Variants in MEX3A observed in about 807,000 individuals in gnomAD.
The protein encoded by MEX3A is RNA-binding protein MEX3A.
MEX3A carries 4 observed loss-of-function variants against 30.0 expected under a neutral mutation model. The ratio of observed to expected loss-of-function variants is 0.13; its 90% CI spans 0.07 to 0.30. MEX3A has a LOEUF of 0.30. MEX3A is among the 10% of genes least tolerant of loss of function. MEX3A has a pLI of 1.00. For missense variants in MEX3A, 555 were observed against 736.7 expected (o/e 0.75, Z 2.86); for synonymous variants, 335 against 327.6 (o/e 1.02, Z -0.24).
chr1:156,079,166 T>C (rs917797080), intron 1 of MEX3A, among the ~76,000 whole-genome samples: 4 of 152,124 alleles, frequency 2.6e-5, no homozygotes, highest in Non-Finnish European at 1.5e-5. Flanking sequence ...CGCTGGCAGA[T>C]TGGGGGGTGA....
In MEX3A at chr1:156,076,736, C is replaced by CA; in HGVS notation, c.1400_1401insT (p.Asp468GlyfsTer7). 6.2e-7 allele frequency: 1 copy of CA among 1,608,700 alleles called. No homozygotes were observed. Among genetic ancestry groups the CA allele is most frequent in the Non-Finnish European group, 8.5e-7 (1 of 1,177,654 alleles). On this transcript the variant is annotated frameshift_variant, in exon 2 of 2. Coordinates refer to ENST00000532414, the MANE Select transcript of MEX3A (RefSeq NM_001093725.2). LOFTEE classifies it high-confidence loss of function. This position sits in a 1 kb window ranked among gnomAD's most constrained non-coding sequence, Gnocchi z 6.0. ...CGCTCTCAAAGCAGACCATGCAATC[C>CA]CGCCCGCCGCCGGGGCTCCGCAGGC... is the stretch of plus-strand genomic sequence containing the variant.
rs376536886 is a variant in MEX3A at position 156,077,077 on chromosome 1, G to A, written c.1060C>T (p.Pro354Ser). The part of the protein sequence containing the change: ...ECGVDSGFEA[P>S]RLGEQGGDFG... Reference sequence around the variant, plus strand: ...TCCCCGCCCTGCTCACCCAGGCGTGGGGCCTCAAAGCCAGAGTCCACTCCG... The same window carrying A: ...TCCCCGCCCTGCTCACCCAGGCGTGAGGCCTCAAAGCCAGAGTCCACTCCG... The change falls in exon 2 of 2, where the codon CCA (proline) becomes TCA (serine). Residue 354 changes from proline (P) to serine (S), a missense_variant. Pro to Ser is a moderately conservative substitution (Grantham distance 74). Transcript: ENST00000532414. The surrounding 1 kb of genome is among the most constrained non-coding windows in gnomAD (Gnocchi z 8.3). 6.2e-7 allele frequency: 1 copy of A among 1,613,908 alleles called. No individual in the cohort carries two copies. The highest frequency in any genetic ancestry group is 8.5e-7 in the Non-Finnish European group (1 of 1,179,828).
In MEX3A at chr1:156,074,552, G is replaced by A. The variant is rs1007746088; in HGVS notation, c.*2022C>T. On this transcript the variant is annotated 3_prime_UTR_variant, in exon 2 of 2. Transcript: ENST00000532414. ...TTCTAGGTTTGGCTCAATTGGTAAG[G>A]GTGGGATTGAATTTGCTGAGCCCCC... 6.6e-6 allele frequency: 1 copy of A among 152,584 alleles called. No homozygotes were observed. The highest frequency in any genetic ancestry group is 6.5e-5 in the Admixed American group (1 of 15,276). 9.5% of individuals were successfully genotyped at this position (152,584 alleles called of 1,614,324 possible).
rs1648038985 is a variant in MEX3A, at chr1:156,075,702, A to T, written c.*872T>A. The T allele has an allele frequency of 6.5e-6, 1 of 153,180 alleles. No homozygotes were observed. Among genetic ancestry groups the T allele is most frequent in the East Asian group, 1.9e-4 (1 of 5,292 alleles). 9.5% of individuals were successfully genotyped at this position (153,180 alleles called of 1,614,324 possible). On this transcript the variant is annotated 3_prime_UTR_variant, in exon 2 of 2. Transcript: ENST00000532414. ...TCCCCAAAGCTGGGCTGGTAGGGGC[A>T]GGGGCAGGGGGAAGGGAAGAAAGAC...
Position 156,074,149 on chromosome 1 carries a change from AAC to A in MEX3A, c.*2423_*2424del, listed in dbSNP as rs1452592861. 6.6e-6 allele frequency: 1 copy of A among 152,292 alleles called. No individual in the cohort carries two copies. Among genetic ancestry groups the A allele is most frequent in the Non-Finnish European group, 1.5e-5 (1 of 68,012 alleles). The allele number at this position is 152,292 out of a possible 1,614,324, so 9.4% of individuals were successfully genotyped here. On this transcript the variant is annotated 3_prime_UTR_variant, in exon 2 of 2. Transcript: ENST00000532414. ...AACGTAAACCCAAACATATATTAAA[AAC>A]ACTTTTTTTTTTTAAGATTTAACTC...
At position 156,072,023 on chromosome 1, in the gene MEX3A, G is replaced by A. The variant is rs1450494500; in HGVS notation, c.*4551C>T. 6.5e-6 allele frequency: 1 copy of A among 152,696 alleles called. No homozygotes were observed. Among genetic ancestry groups the A allele is most frequent in the Non-Finnish European group, 1.5e-5 (1 of 68,030 alleles). The allele number at this position is 152,696 out of a possible 1,614,324, so 9.5% of individuals were successfully genotyped here. A position where few individuals can be genotyped will look rare whatever the true frequency, so the allele number is the denominator to read the frequency against. ...AACGAAGACAGAGCCTTAAGTAATAGTACTTTTAATAAAATTAAGTTCTTA... is the reference window on the plus strand; with the variant it reads ...AACGAAGACAGAGCCTTAAGTAATAATACTTTTAATAAAATTAAGTTCTTA... On this transcript the variant is annotated 3_prime_UTR_variant, in exon 2 of 2. Transcript: ENST00000532414.
Position 156,076,811 on chromosome 1 carries a change from C to T in MEX3A, c.1326G>A (p.Arg442=). ...CCTGGAGCGGCTCTCCCGGGGGGCGCCTCGGGAGTCCGGCCAGCTCGGGTC... is the reference window on the plus strand; with the variant it reads ...CCTGGAGCGGCTCTCCCGGGGGGCGTCTCGGGAGTCCGGCCAGCTCGGGTC... The part of the protein sequence containing the change: ...SAGPELAGLP[R]RPPGEPLQGF... The change falls in exon 2 of 2, where the codon AGG becomes AGA. Residue 442 remains arginine (R), a synonymous_variant. Coordinates refer to ENST00000532414, the MANE Select transcript of MEX3A (RefSeq NM_001093725.2). The surrounding 1 kb of genome is among the most constrained non-coding windows in gnomAD (Gnocchi z 6.0). 6.4e-7 allele frequency: 1 copy of T among 1,555,538 alleles called. No individual in the cohort carries two copies. Among genetic ancestry groups the T allele is most frequent in the Non-Finnish European group, 8.7e-7 (1 of 1,149,778 alleles).
Position 156,077,090 on chromosome 1 carries a change from A to G in MEX3A, c.1047T>C (p.Ser349=). The G allele has an allele frequency of 1.2e-6, 2 of 1,613,894 alleles. No individual in the cohort carries two copies. Among genetic ancestry groups the G allele is most frequent in the Non-Finnish European group, 8.5e-7 (1 of 1,179,824 alleles). The change falls in exon 2 of 2, where the codon TCT becomes TCC. Residue 349 remains serine, a synonymous_variant. Coordinates refer to ENST00000532414, the MANE Select transcript of MEX3A (RefSeq NM_001093725.2). The surrounding 1 kb of genome is among the most constrained non-coding windows in gnomAD (Gnocchi z 8.3). ...CACCCAGGCGTGGGGCCTCAAAGCC[A>G]GAGTCCACTCCGCACTCGCCGATGC... ...LGCIGECGVD[S]GFEAPRLGEQ...
chr1:156,082,022 G>T lies in MEX3A; in HGVS notation c.-24C>A. 1 of 1,320,620 alleles carries T rather than the reference G, an allele frequency of 7.6e-7. No homozygotes were observed. The highest frequency in any genetic ancestry group is 2.6e-5 in the Admixed American group (1 of 38,784). The allele number at this position is 1,320,620 out of a possible 1,614,324, so 81.8% of individuals were successfully genotyped here. A position where few individuals can be genotyped will look rare whatever the true frequency, so the allele number is the denominator to read the frequency against. On this transcript the variant is annotated 5_prime_UTR_variant, in exon 1 of 2. Coordinates refer to ENST00000532414, the MANE Select transcript of MEX3A (RefSeq NM_001093725.2). ...ATGGCGAAACAAAAGCTGGGGGAGA[G>T]AGAGAGGGAGAGAGAGAGAGAGAGG... is the stretch of plus-strand genomic sequence containing the variant.
chr1:156,080,802 C>T (rs1218285790), intron 1 of MEX3A, among the ~76,000 whole-genome samples: 3 of 151,704 alleles, frequency 2.0e-5, no homozygotes, highest in Non-Finnish European at 2.9e-5. Flanking sequence ...CTGTCCTACT[C>T]TTTCACTACC....
chr1:156,080,448 T>C (rs1466436809), intron 1 of MEX3A, among the ~76,000 whole-genome samples: 1 of 151,560 alleles, frequency 6.6e-6, no homozygotes, highest in Non-Finnish European at 1.5e-5. Context: ...CCTCCCGCAC[T>C]CCCAGCCGGA....
At chr1:156,078,767 C>T (rs979513875) in intron 1 of MEX3A, among the ~76,000 whole-genome samples, 2 of 152,154 alleles carry the variant, frequency 1.3e-5, no homozygotes, top group South Asian at 2.1e-4. Flanking sequence ...GCACACGTCA[C>T]GTGTGTGAGT....
In MEX3A at chr1:156,076,685, G is replaced by A. The variant is rs1355555542; in HGVS notation, c.1452C>T (p.Cys484=). 2 of 1,613,900 alleles carry A rather than the reference G, an allele frequency of 1.2e-6. No individual in the cohort carries two copies. Among genetic ancestry groups the A allele is most frequent in the Non-Finnish European group, 1.7e-6 (2 of 1,179,852 alleles). Residue 484 remains cysteine, a synonymous_variant, in exon 2 of 2, where the codon TGC becomes TGT. Transcript: ENST00000532414. The surrounding 1 kb of genome is among the most constrained non-coding windows in gnomAD (Gnocchi z 6.0). The part of the protein sequence containing the change: ...ESEVTAALVP[C]GHNLFCMECA... ...ACTCCATGCAGAACAGGTTGTGTCC[G>A]CAGGGCACAAGGGCGGCAGTCACTT...
rs1648016663 is a variant in MEX3A at position 156,074,961 on chromosome 1, C to T, written c.*1613G>A. 1 of 152,746 alleles carries T rather than the reference C, an allele frequency of 6.5e-6. No individual in the cohort carries two copies. Among genetic ancestry groups the T allele is most frequent in the Non-Finnish European group, 1.5e-5 (1 of 68,056 alleles). The allele number at this position is 152,746 out of a possible 1,614,324, so 9.5% of individuals were successfully genotyped here. A position where few individuals can be genotyped will look rare whatever the true frequency, so the allele number is the denominator to read the frequency against. On this transcript the variant is annotated 3_prime_UTR_variant, in exon 2 of 2. Coordinates refer to ENST00000532414, the MANE Select transcript of MEX3A (RefSeq NM_001093725.2). ...TGCTCGGGTGATCACTCAGAACAGT[C>T]CCACCCCACTATTTACAAGGATCTC...
At position 156,076,749 on chromosome 1, in the gene MEX3A, G is replaced by A. The variant is rs1558100763; in HGVS notation, c.1388C>T (p.Pro463Leu). ...GACCATGCAATCCCGCCCGCCGCCG[G>A]GGCTCCGCAGGCCGCCCCCACCAAG... Reference protein sequence around the residue: ...SKLGGGGLRSPGGGRDCMVCF... With the variant: ...SKLGGGGLRSLGGGRDCMVCF... The change falls in exon 2 of 2, where the codon CCC becomes CTC. Residue 463 changes from proline to leucine, a missense_variant. Physicochemically the swap from Pro to Leu is moderately conservative, Grantham distance 98. Transcript: ENST00000532414. This position sits in a 1 kb window ranked among gnomAD's most constrained non-coding sequence, Gnocchi z 6.0. 2 of 1,603,460 alleles carry A rather than the reference G, an allele frequency of 1.2e-6. No individual in the cohort carries two copies. Among genetic ancestry groups the A allele is most frequent in the Non-Finnish European group, 1.7e-6 (2 of 1,175,094 alleles).
At chr1:156,078,725 C>A (rs946725194) in intron 1 of MEX3A, among the ~76,000 whole-genome samples, 2 of 152,194 alleles carry the variant, frequency 1.3e-5, no homozygotes, top group Non-Finnish European at 2.9e-5. Flanking sequence ...TAGCTTCACA[C>A]AGAGCTTCCA....
Position 156,076,981 on chromosome 1 carries a change from C to T in MEX3A, c.1156G>A (p.Glu386Lys). Residue 386 changes from glutamate to lysine, a missense_variant, in exon 2 of 2, where the codon GAG becomes AAG. Physicochemically the swap from Glu to Lys is moderately conservative, Grantham distance 56 (BLOSUM62 1). Coordinates refer to ENST00000532414, the MANE Select transcript of MEX3A (RefSeq NM_001093725.2). This position sits in a 1 kb window ranked among gnomAD's most constrained non-coding sequence, Gnocchi z 6.0. ...GKQDVYYGVAETSPPLWAGQE... is the reference protein window; with the variant it reads ...GKQDVYYGVAKTSPPLWAGQE... ...CCCGCCCACAGCGGGGGGCTAGTCTCGGCCACGCCGTAGTACACATCCTGC... is the reference window on the plus strand; with the variant it reads ...CCCGCCCACAGCGGGGGGCTAGTCTTGGCCACGCCGTAGTACACATCCTGC... The T allele has an allele frequency of 6.2e-7, 1 of 1,612,600 alleles. No individual in the cohort carries two copies. Among genetic ancestry groups the T allele is most frequent in the Non-Finnish European group, 8.5e-7 (1 of 1,179,482 alleles).
chr1:156,082,013 T>TG lies in MEX3A; in HGVS notation c.-16dup. On this transcript the variant is annotated 5_prime_UTR_variant, in exon 1 of 2. Coordinates refer to ENST00000532414, the MANE Select transcript of MEX3A (RefSeq NM_001093725.2). ...AGACTAGGCATGGCGAAACAAAAGC[T>TG]GGGGGAGAGAGAGAGGGAGAGAGAG... is the stretch of plus-strand genomic sequence containing the variant. The TG allele has an allele frequency of 7.6e-7, 1 of 1,310,686 alleles. No individual in the cohort carries two copies. Among genetic ancestry groups the TG allele is most frequent in the Non-Finnish European group, 9.9e-7 (1 of 1,007,020 alleles). 81.2% of individuals were successfully genotyped at this position (1,310,686 alleles called of 1,614,324 possible).
rs373917772 is a variant in MEX3A, at chr1:156,077,110, C to T, written c.1027G>A (p.Gly343Ser). Residue 343 changes from glycine to serine, a missense_variant, in exon 2 of 2, where the codon GGC becomes AGC. Physicochemically the swap from Gly to Ser is moderately conservative, Grantham distance 56. Coordinates refer to ENST00000532414, the MANE Select transcript of MEX3A (RefSeq NM_001093725.2). This position sits in a 1 kb window ranked among gnomAD's most constrained non-coding sequence, Gnocchi z 8.3. ...AAGCCAGAGTCCACTCCGCACTCGCCGATGCAGCCCAGGCTGTTCTGCCGG... is the reference window on the plus strand; with the variant it reads ...AAGCCAGAGTCCACTCCGCACTCGCTGATGCAGCCCAGGCTGTTCTGCCGG... Reference protein sequence around the residue: ...TFRQNSLGCIGECGVDSGFEA... With the variant: ...TFRQNSLGCISECGVDSGFEA... 8.7e-6 allele frequency: 14 copies of T among 1,613,756 alleles called. No homozygotes were observed. The highest frequency in any genetic ancestry group is 1.0e-5 in the Non-Finnish European group (12 of 1,179,846).
Sources: gnomAD v4.1 joint callset for allele counts (sites outside exome capture counted in the v4.1 genomes callset) on GRCh38, gnomAD v4.1.1 for gene constraint, Gnocchi (gnomAD v3.1) non-coding constraint, MANE v1.5 for transcripts, NCBI Gene and HGNC (gene_info 2026-07-23, HGNC 2026-07-21) for gene names.